The following OCA2 variants were observed in gnomAD, a reference collection of about 807,000 sequenced individuals.
OCA2 encodes P protein.
In OCA2, 77 loss-of-function variants were observed where a neutral mutation model predicts 100.2. The ratio of observed to expected loss-of-function variants is 0.77; its 90% CI spans 0.64 to 0.93. The LOEUF is 0.93. Ranked by LOEUF, OCA2 falls within the 40% of genes least tolerant of loss-of-function variation. The pLI is 0.00. For synonymous variants in OCA2, 432 were observed against 439.2 expected, an observed-to-expected ratio of 0.98 and a Z score of 0.21; for missense variants, 1,062 against 1,089.1, an observed-to-expected ratio of 0.98 and a Z score of 0.35.
intron 17 of OCA2, 28 bp from the exon 18 acceptor site, chr15:27,951,920 A>C: frequency 6.9e-7 from 1 of 1,451,246 alleles, no homozygotes; most frequent in Non-Finnish European, 9.7e-7. Flanking sequence ...CAGCTCATTT[A>C]CTCTGCACAA....
At chr15:27,778,804 G>A (rs2032386533) in intron 23 of OCA2, among the ~76,000 whole-genome samples, 1 of 152,214 alleles carries the variant, frequency 6.6e-6, no homozygotes, top group Non-Finnish European at 1.5e-5. Context: ...AAAAAGATTA[G>A]ACTTTCTACG....
At chr15:27,725,743 G>T in the OCA2 span, among the ~76,000 whole-genome samples, 1 of 152,138 alleles carries the variant, frequency 6.6e-6, no homozygotes, top group Non-Finnish European at 1.5e-5. Flanking sequence ...TGCCTGCAGG[G>T]TCTTCCTTCT....
intron 23 of OCA2, among the ~76,000 whole-genome samples, chr15:27,812,844 A>G (rs1233035648): frequency 6.6e-6 from 1 of 152,116 alleles, no homozygotes; most frequent in Non-Finnish European, 1.5e-5. Flanking sequence ...GTAAAATACT[A>G]AGGCTGTGCC....
chr15:28,045,493 A>G (rs1229788677), intron 2 of OCA2, among the ~76,000 whole-genome samples: 1 of 152,158 alleles, frequency 6.6e-6, no homozygotes, highest in African/African-American at 2.4e-5. Flanking sequence ...CCTTTTAATG[A>G]TAAGAAGGAA....
chr15:27,805,780 A>T (rs1176974447), intron 23 of OCA2, among the ~76,000 whole-genome samples: 1 of 151,926 alleles, frequency 6.6e-6, no homozygotes, highest in Admixed American at 6.5e-5. Flanking sequence ...CCCCACATCC[A>T]GGTGGTAATG....
chr15:27,937,218 A>G (rs2594933), intron 18 of OCA2, among the ~76,000 whole-genome samples: 75,186 of 152,042 alleles, frequency 0.49, 22,851 homozygotes, highest in East Asian at 0.8. Flanking sequence ...TGGCCAACAC[A>G]TTTGTGAGAT....
At chr15:27,871,345 G>C in intron 20 of OCA2, 87 bp from the exon 21 acceptor site, 1 of 960,396 alleles carries the variant, frequency 1.0e-6, no homozygotes, top group South Asian at 1.3e-5. Flanking sequence ...AGGGGCCCGA[G>C]GGTGTTAGTC....
intron 20 of OCA2, 28 bp downstream of exon 20, chr15:27,871,835 G>C: frequency 7.0e-7 from 1 of 1,425,834 alleles, no homozygotes; most frequent in Admixed American, 1.7e-5. Flanking sequence ...AGTGGCTGGA[G>C]TGCCTTCTAT....
At chr15:27,914,831 T>C (rs2038602470) in intron 19 of OCA2, among the ~76,000 whole-genome samples, 1 of 152,070 alleles carries the variant, frequency 6.6e-6, no homozygotes, top group African/African-American at 2.4e-5. Context: ...CAAACACCAA[T>C]GATATTCTTC....
At chr15:27,722,979 C>A in the OCA2 span, among the ~76,000 whole-genome samples, 1 of 151,764 alleles carries the variant, frequency 6.6e-6, no homozygotes, top group African/African-American at 2.4e-5. Flanking sequence ...GTAGCTGGGA[C>A]TACAGGCATG....
intron 16 of OCA2, among the ~76,000 whole-genome samples, chr15:27,956,445 C>A (rs1489443667): frequency 6.6e-6 from 1 of 152,200 alleles, no homozygotes; most frequent in African/African-American, 2.4e-5. Flanking sequence ...GCCACGCCCT[C>A]CCCAGGTCTG....
intron 2 of OCA2, among the ~76,000 whole-genome samples, chr15:28,066,214 A>G (rs970632265): frequency 6.6e-6 from 1 of 152,238 alleles, no homozygotes; most frequent in African/African-American, 2.4e-5. Context: ...CCTATCACTG[A>G]AAACTATAAA....
intron 23 of OCA2, among the ~76,000 whole-genome samples, chr15:27,756,052 A>G (rs936396960): frequency 5.9e-5 from 9 of 152,214 alleles, no homozygotes; most frequent in Non-Finnish European, 1.2e-4. Context: ...CAGTCATGAG[A>G]AGAGAGAAGC....
intron 19 of OCA2, chr15:27,896,382 G>A (rs1170104855): frequency 6.7e-6 from 5 of 745,392 alleles, no homozygotes; most frequent in Non-Finnish European, 1.2e-5. Context: ...GAAGAACAGT[G>A]TAACTCCAGA....
intron 2 of OCA2, among the ~76,000 whole-genome samples, chr15:28,080,893 T>C (rs984429531): frequency 6.6e-6 from 1 of 152,200 alleles, no homozygotes; most frequent in African/African-American, 2.4e-5. Context: ...CATAAGTAAA[T>C]ATTTAAAGAT....
chr15:28,042,081 T>C lies in OCA2; in HGVS notation c.228-9918A>G, dbSNP rs1226008623. ...TGTAAAAACTAAACTTCATAACCTA[T>C]CCATATGTTACATATATTATTTTGT... On this transcript the variant is annotated intron_variant, in intron 2 of 23. Transcript: ENST00000354638. Among the ~76,000 whole-genome samples, 2 of 152,156 alleles carry C rather than the reference T, an allele frequency of 1.3e-5. 1 individual carries two copies. The highest frequency in any genetic ancestry group is 4.1e-4 in the South Asian group (2 of 4,824).
At chr15:27,817,592 CT>C (rs1385312064) in intron 23 of OCA2, among the ~76,000 whole-genome samples, 1 of 152,134 alleles carries the variant, frequency 6.6e-6, no homozygotes, top group Non-Finnish European at 1.5e-5. Context: ...ACCACTCCAA[CT>C]TTCCAGCCCC....
intron 23 of OCA2, among the ~76,000 whole-genome samples, chr15:27,839,891 G>A (rs1297575495): frequency 2.0e-5 from 3 of 151,930 alleles, no homozygotes; most frequent in Non-Finnish European, 4.4e-5. Context: ...AGAAACCAGA[G>A]GTAAGTTCCA....
rs148093691 is a variant in OCA2, at chr15:27,811,340, A to G, written c.2432+33619T>C. On this transcript the variant is annotated intron_variant, in intron 23 of 23. Coordinates refer to ENST00000354638, the MANE Select transcript of OCA2 (RefSeq NM_000275.3). ...TATGCAAGGGCATACAGAGTGATATAATGGATTTTGGAGATTCAGAATGGG... is the reference window on the plus strand; with the variant it reads ...TATGCAAGGGCATACAGAGTGATATGATGGATTTTGGAGATTCAGAATGGG... 2.0e-3 allele frequency among the ~76,000 whole-genome samples: 307 copies of G among 152,252 alleles called. 2 individuals carry two copies. Among genetic ancestry groups the G allele is most frequent in the African/African-American group, 7.0e-3 (290 of 41,540 alleles).
Sources: allele counts gnomAD v4.1 joint callset (sites outside exome capture counted in the v4.1 genomes callset), GRCh38; gene constraint gnomAD v4.1.1; transcripts MANE v1.5; gene names NCBI Gene and HGNC (gene_info 2026-07-23, HGNC 2026-07-21).